The following DOCK1 variants were observed in gnomAD, a reference collection of about 807,000 sequenced individuals.
DOCK1 encodes dedicator of cytokinesis protein 1.
Under a neutral mutation model 262.7 loss-of-function variants are expected in DOCK1, and 138 were observed. The ratio of observed to expected loss-of-function variants is 0.53; its 90% CI spans 0.46 to 0.61. The LOEUF is 0.61. Among genes scored for constraint, DOCK1 ranks in the 20% least tolerant of loss-of-function variants. The pLI, the probability that DOCK1 is intolerant of heterozygous loss-of-function variation, is 0.00. For synonymous variants in DOCK1, 866 were observed against 867.4 expected, an observed-to-expected ratio of 1.00 and a Z score of 0.03; for missense variants, 1,908 against 2,370.7, an observed-to-expected ratio of 0.80 and a Z score of 4.05.
In DOCK1 at chr10:127,193,653, T is replaced by C. The variant is rs182417805; in HGVS notation, c.2848-54355T>C. Among the ~76,000 whole-genome samples the C allele has an allele frequency of 5.9e-5, 9 of 152,086 alleles. No homozygotes were observed. The East Asian group carries it at 1.7e-3, about 29-fold the overall frequency. On this transcript the variant is annotated intron_variant, in intron 27 of 51. Coordinates refer to ENST00000623213, the MANE Select transcript of DOCK1 (RefSeq NM_001290223.2). ...ATCCGTTGTTATTTCTGAGAATCAT[T>C]TTGATTTTTGGACTGCTTATTTCAG...
intron 48 of DOCK1, 144 bp from the exon 49 acceptor site, chr10:127,438,883 T>G (rs991257823): frequency 1.6e-5 from 12 of 749,958 alleles, no homozygotes; most frequent in Admixed American, 1.2e-4. Context: ...CTGGTGACTG[T>G]GTATCTGAAG....
chr10:127,003,872 T>G (rs914069615), intron 10 of DOCK1, among the ~76,000 whole-genome samples: 1 of 152,090 alleles, frequency 6.6e-6, no homozygotes, highest in African/African-American at 2.4e-5. Context: ...AAGAGTTGCT[T>G]GAACCTGGGA....
chr10:127,056,623 G>A (rs899933609), intron 22 of DOCK1, among the ~76,000 whole-genome samples: 5 of 149,278 alleles, frequency 3.3e-5, no homozygotes, highest in Non-Finnish European at 5.9e-5. Flanking sequence ...TCTCTCTTTT[G>A]TCCCTTCCTT....
At chr10:127,262,123 T>A (rs113804396) in intron 29 of DOCK1, among the ~76,000 whole-genome samples, 1 of 149,198 alleles carries the variant, frequency 6.7e-6, no homozygotes, top group African/African-American at 2.5e-5. Flanking sequence ...TGGGTGTGTG[T>A]GTGTGTACCC....
intron 47 of DOCK1, among the ~76,000 whole-genome samples, chr10:127,429,042 A>ATTGGGGTGTCG (rs2069089581): frequency 1.4e-5 from 1 of 69,340 alleles, no homozygotes; most frequent in Non-Finnish European, 2.8e-5. Flanking sequence ...TTGGGGTGTC[A>ATTGGGGTGTCG]TGTGGATTGG....
chr10:127,335,787 TC>T (rs2135704196), intron 29 of DOCK1, among the ~76,000 whole-genome samples: 1 of 152,014 alleles, frequency 6.6e-6, no homozygotes, highest in Admixed American at 6.6e-5. Flanking sequence ...CAATCTCGGC[TC>T]ATTGCAAGCT....
intron 27 of DOCK1, among the ~76,000 whole-genome samples, chr10:127,215,372 C>T (rs1347242322): frequency 6.6e-6 from 1 of 152,180 alleles, no homozygotes; most frequent in Non-Finnish European, 1.5e-5. Flanking sequence ...CCATGTGATC[C>T]CTCTGTGGTC....
At position 127,343,513 on chromosome 10, in the gene DOCK1, T is replaced by TA. The variant is rs915064852; in HGVS notation, c.3124-132dup. 1.2e-4 allele frequency: 89 copies of TA among 728,400 alleles called. No homozygotes were observed. The African/African-American group carries it at 1.5e-3, about 12-fold the overall frequency. The allele number at this position is 728,400 out of a possible 1,614,324, so 45.1% of individuals were successfully genotyped here. ...GTGGGTGGCTGGTTAGCAACATGTA[T>TA]AGAGTGAGTGTGGGTTTTTTTTTTA... On this transcript the variant is annotated intron_variant, in intron 30 of 51. Coordinates refer to ENST00000623213, the MANE Select transcript of DOCK1 (RefSeq NM_001290223.2).
intron 45 of DOCK1, among the ~76,000 whole-genome samples, chr10:127,419,007 CTG>C (rs956065847): frequency 3.9e-5 from 6 of 152,208 alleles, no homozygotes; most frequent in African/African-American, 1.4e-4. Context: ...CCACCCCTGC[CTG>C]TGTTTGTAAC....
intron 31 of DOCK1, among the ~76,000 whole-genome samples, chr10:127,346,393 G>T (rs567132771): frequency 4.1e-4 from 62 of 152,276 alleles, no homozygotes; most frequent in African/African-American, 1.4e-3. Flanking sequence ...CCAGGAGTTT[G>T]AGACCAGCCT....
At chr10:127,017,354 T>C (rs571177937) in intron 12 of DOCK1, among the ~76,000 whole-genome samples, 1 of 149,486 alleles carries the variant, frequency 6.7e-6, no homozygotes, top group Non-Finnish European at 1.5e-5. Context: ...GATACAGATA[T>C]ACACATAAGC....
At chr10:127,326,941 A>G (rs555052355) in intron 29 of DOCK1, among the ~76,000 whole-genome samples, 2 of 152,348 alleles carry the variant, frequency 1.3e-5, no homozygotes, top group Admixed American at 1.3e-4. Flanking sequence ...GTCAATGAGC[A>G]GTAATATTTT....
intron 6 of DOCK1, among the ~76,000 whole-genome samples, chr10:126,991,560 G>A (rs867542986): frequency 1.3e-5 from 2 of 151,062 alleles, no homozygotes; most frequent in Admixed American, 6.6e-5. Context: ...ATGGAGTTTC[G>A]GCCTTGTTGC....
intron 29 of DOCK1, among the ~76,000 whole-genome samples, chr10:127,302,276 G>T (rs751476133): frequency 2.6e-5 from 4 of 152,136 alleles, no homozygotes; most frequent in Non-Finnish European, 5.9e-5. Context: ...AGGTAGGAAG[G>T]TCTGGGAGGG....
chr10:127,227,530 A>G (rs2058688597), intron 27 of DOCK1, among the ~76,000 whole-genome samples: 2 of 152,188 alleles, frequency 1.3e-5, no homozygotes, highest in African/African-American at 4.8e-5. Context: ...TAGCACTTTA[A>G]CTGAAACATC....
intron 44 of DOCK1, 115 bp downstream of exon 44, chr10:127,415,353 ACT>A: frequency 1.0e-6 from 1 of 972,458 alleles, no homozygotes; most frequent in Non-Finnish European, 1.6e-6. Flanking sequence ...CACACAGCAG[ACT>A]CTACAGTTCC....
rs533074201 is a variant in DOCK1, at chr10:126,987,356, G to A, written c.228-165G>A. On this transcript the variant is annotated intron_variant, in intron 4 of 51. Transcript: ENST00000623213. ...TCTGTACAAATATAACTTGTCATTC[G>A]TAGAGACGTATGTATTTATATGTGT... 7.9e-5 allele frequency among the ~76,000 whole-genome samples: 12 copies of A among 152,244 alleles called. No individual in the cohort carries two copies. The South Asian group carries it at 2.1e-3, about 26-fold the overall frequency.
intron 33 of DOCK1, among the ~76,000 whole-genome samples, chr10:127,363,832 A>G (rs2064735001): frequency 1.3e-5 from 2 of 152,222 alleles, no homozygotes; most frequent in South Asian, 2.1e-4. Context: ...GAGTTTAGAT[A>G]CTGAGGGCAG....
At chr10:126,929,305 A>G (rs1170592326) in intron 1 of DOCK1, among the ~76,000 whole-genome samples, 2 of 152,164 alleles carry the variant, frequency 1.3e-5, no homozygotes, top group Admixed American at 6.5e-5. Context: ...TAAACTGGGG[A>G]GAAAAGCAAT....
Sources: allele counts gnomAD v4.1 joint callset (sites outside exome capture counted in the v4.1 genomes callset), GRCh38; gene constraint gnomAD v4.1.1; transcripts MANE v1.5; gene names NCBI Gene and HGNC (gene_info 2026-07-23, HGNC 2026-07-21).